The following NKAIN2 variants were observed in gnomAD, a reference collection of about 807,000 sequenced individuals.
NKAIN2 encodes the protein sodium/potassium-transporting ATPase subunit beta-1-interacting protein 2.
Under a neutral mutation model 32.6 loss-of-function variants are expected in NKAIN2, and 14 were observed. The observed-to-expected ratio is 0.43, with a 90% CI of 0.28 to 0.67. The LOEUF is 0.67. Ranked by LOEUF, NKAIN2 falls within the 30% of genes least tolerant of loss-of-function variation. The pLI is 0.17. For missense variants in NKAIN2, 198 were observed against 258.3 expected (o/e 0.77, Z 1.60); for synonymous variants, 80 against 87.2 (o/e 0.92, Z 0.46).
chr6:124,689,798 T>C (rs75734783), intron 4 of NKAIN2, among the ~76,000 whole-genome samples: 6,275 of 152,022 alleles, frequency 0.041, 184 homozygotes, highest in Middle Eastern at 0.071. Context: ...TCTGGACTCT[T>C]TATTCTGTTC....
intron 1 of NKAIN2, among the ~76,000 whole-genome samples, chr6:124,179,449 A>G (rs530532476): frequency 1.3e-5 from 2 of 152,362 alleles, no homozygotes; most frequent in African/African-American, 4.8e-5. Flanking sequence ...TTTATGTTGT[A>G]GGATCAAATA....
At chr6:124,447,446 T>G (rs563171433) in intron 3 of NKAIN2, among the ~76,000 whole-genome samples, 1 of 152,290 alleles carries the variant, frequency 6.6e-6, no homozygotes, top group East Asian at 1.9e-4. Context: ...TTCTTGTAAT[T>G]AATCCAGGAG....
intron 3 of NKAIN2, among the ~76,000 whole-genome samples, chr6:124,373,111 T>G (rs999456111): frequency 2.6e-5 from 4 of 152,136 alleles, no homozygotes; most frequent in Non-Finnish European, 4.4e-5. Flanking sequence ...TGGCTTTGAT[T>G]GAGAAAGCAG....
chr6:124,021,802 T>C (rs1352540003), intron 1 of NKAIN2, among the ~76,000 whole-genome samples: 1 of 152,166 alleles, frequency 6.6e-6, no homozygotes, highest in Non-Finnish European at 1.5e-5. Flanking sequence ...CCCCTGATTG[T>C]ACTGCCTTTA....
chr6:124,672,549 A>G (rs1773157393), intron 4 of NKAIN2, among the ~76,000 whole-genome samples: 2 of 152,110 alleles, frequency 1.3e-5, no homozygotes, highest in Non-Finnish European at 2.9e-5. Flanking sequence ...AAAGAGGACC[A>G]TTAGTCAGAG....
At chr6:123,817,927 C>T (rs1773762292) in intron 1 of NKAIN2, among the ~76,000 whole-genome samples, 1 of 152,060 alleles carries the variant, frequency 6.6e-6, no homozygotes, top group African/African-American at 2.4e-5. Flanking sequence ...TTTTTATGGT[C>T]AATTATGTAC....
At chr6:124,352,715 A>C (rs1798788287) in intron 2 of NKAIN2, among the ~76,000 whole-genome samples, 1 of 152,214 alleles carries the variant, frequency 6.6e-6, no homozygotes, top group Admixed American at 6.5e-5. Flanking sequence ...AAAACATTAT[A>C]ATCAGTCATG....
intron 1 of NKAIN2, among the ~76,000 whole-genome samples, chr6:123,970,072 CAT>C (rs1778265812): frequency 1.3e-5 from 2 of 150,750 alleles, no homozygotes; most frequent in African/African-American, 4.9e-5. Flanking sequence ...TTATACTACT[CAT>C]GTCATTAAAA....
intron 3 of NKAIN2, among the ~76,000 whole-genome samples, chr6:124,378,959 G>T (rs1452857390): frequency 2.7e-5 from 4 of 149,186 alleles, no homozygotes; most frequent in Admixed American, 2.0e-4. Context: ...GGGCATGGTG[G>T]TGCAAACCTC....
chr6:123,807,478 C>T (rs11154189), intron 1 of NKAIN2, among the ~76,000 whole-genome samples: 3,704 of 152,178 alleles, frequency 0.024, 70 homozygotes, highest in Middle Eastern at 0.048. Context: ...ATCATCACTG[C>T]ATTTGCAATG....
chr6:124,470,005 A>T (rs1458572706), intron 3 of NKAIN2, among the ~76,000 whole-genome samples: 1 of 148,288 alleles, frequency 6.7e-6, no homozygotes, highest in Admixed American at 7.9e-5. Flanking sequence ...ACAGTTTGAG[A>T]TGCTCAGGGA....
intron 1 of NKAIN2, among the ~76,000 whole-genome samples, chr6:123,974,521 A>G (rs1347543228): frequency 6.6e-6 from 1 of 152,172 alleles, no homozygotes; most frequent in East Asian, 1.9e-4. Context: ...CTCTGCACAT[A>G]GGAGTATCAG....
chr6:124,153,017 A>G (rs993407383), intron 1 of NKAIN2, among the ~76,000 whole-genome samples: 1 of 151,890 alleles, frequency 6.6e-6, no homozygotes, highest in Admixed American at 6.6e-5. Flanking sequence ...GAGAGGGAAG[A>G]TGGGGAGAAG....
chr6:124,549,482 C>T (rs745574408), intron 3 of NKAIN2, among the ~76,000 whole-genome samples: 5 of 152,150 alleles, frequency 3.3e-5, no homozygotes, highest in South Asian at 2.1e-4. Flanking sequence ...CCATCTTCCC[C>T]TTATGTTAAT....
chr6:123,892,204 A>C (rs1031665572), intron 1 of NKAIN2, among the ~76,000 whole-genome samples: 2 of 152,186 alleles, frequency 1.3e-5, no homozygotes, highest in African/African-American at 4.8e-5. Context: ...CCCAGCCACA[A>C]ATGTGCAGTG....
At chr6:124,158,736 A>G (rs898418301) in intron 1 of NKAIN2, among the ~76,000 whole-genome samples, 17 of 152,194 alleles carry the variant, frequency 1.1e-4, no homozygotes, top group African/African-American at 3.9e-4. Flanking sequence ...CCAGTTAGAC[A>G]AAACAAAACT....
At chr6:124,442,269 T>C (rs1369700402) in intron 3 of NKAIN2, among the ~76,000 whole-genome samples, 3 of 152,034 alleles carry the variant, frequency 2.0e-5, no homozygotes, top group Admixed American at 6.6e-5. Context: ...ATGATAACCA[T>C]TGGAGAATTG....
intron 3 of NKAIN2, among the ~76,000 whole-genome samples, chr6:124,485,890 C>G (rs771930201): frequency 6.6e-6 from 1 of 152,140 alleles, no homozygotes; most frequent in Non-Finnish European, 1.5e-5. Flanking sequence ...TGAAGACATG[C>G]AAGAGGTGTA....
intron 2 of NKAIN2, among the ~76,000 whole-genome samples, chr6:124,329,235 A>T (rs1201991885): frequency 6.6e-6 from 1 of 152,310 alleles, no homozygotes; most frequent in South Asian, 2.1e-4. Context: ...AACTGCTCTG[A>T]TGCACTGCCA....
Sources: allele counts gnomAD v4.1 joint callset (sites outside exome capture counted in the v4.1 genomes callset), GRCh38; gene constraint gnomAD v4.1.1; transcripts MANE v1.5; gene names NCBI Gene and HGNC (gene_info 2026-07-23, HGNC 2026-07-21).